Variants in CADM2 observed in about 807,000 individuals in gnomAD.
The protein encoded by CADM2 is immunoglobulin superfamily member 4D.
Under a neutral mutation model 49.8 loss-of-function variants are expected in CADM2, and 12 were observed. The ratio of observed to expected loss-of-function variants is 0.24; its 90% CI spans 0.15 to 0.39. The LOEUF is 0.39. Among genes scored for constraint, CADM2 ranks in the 10% least tolerant of loss-of-function variants. The pLI is 1.00. For synonymous variants in CADM2, 214 were observed against 175.4 expected (o/e 1.22, Z -1.74); for missense variants, 378 against 492.3 (o/e 0.77, Z 2.20).
Position 86,065,661 on chromosome 3 carries a change from G to T in CADM2, c.1027G>T (p.Val343Leu). The T allele has an allele frequency of 6.2e-7, 1 of 1,614,020 alleles. No individual in the cohort carries two copies. Among genetic ancestry groups the T allele is most frequent in the Non-Finnish European group, 8.5e-7 (1 of 1,179,950 alleles). The change falls in exon 9 of 10, where the codon GTG (valine) becomes TTG (leucine). Residue 343 changes from valine (V) to leucine (L), a missense_variant. By Grantham distance (32) the Val-to-Leu change is conservative (BLOSUM62 1). Coordinates refer to ENST00000383699, the MANE Select transcript of CADM2 (RefSeq NM_001167675.2). ...TGACCATGCTCTCATAGGAGGAATAGTGGCTGTAGTTGTATTTGTCACGCT... is the reference window on the plus strand; with the variant it reads ...TGACCATGCTCTCATAGGAGGAATATTGGCTGTAGTTGTATTTGTCACGCT... ...GPDHALIGGI[V>L]AVVVFVTLCS...
chr3:85,580,276 G>A (rs926023546), intron 1 of CADM2, among the ~76,000 whole-genome samples: 6 of 152,008 alleles, frequency 3.9e-5, no homozygotes, highest in South Asian at 2.1e-4. Flanking sequence ...TCAACAGAAT[G>A]TATCAAATTG....
intron 8 of CADM2, among the ~76,000 whole-genome samples, chr3:86,021,734 T>C (rs1443068079): frequency 6.6e-6 from 1 of 152,234 alleles, no homozygotes; most frequent in Non-Finnish European, 1.5e-5. Context: ...TGCATATATG[T>C]ACCACAAAAT....
intron 1 of CADM2, among the ~76,000 whole-genome samples, chr3:85,271,196 C>A (rs112140528): frequency 2.0e-5 from 3 of 151,310 alleles, no homozygotes; most frequent in African/African-American, 7.3e-5. Flanking sequence ...AATTCAATCT[C>A]TAATTTGAAT....
At chr3:85,898,393 A>G (rs1420439774) in intron 5 of CADM2, among the ~76,000 whole-genome samples, 2 of 152,092 alleles carry the variant, frequency 1.3e-5, no homozygotes, top group Non-Finnish European at 2.9e-5. Context: ...GCAAGATAAA[A>G]AATGTATTTA....
At chr3:85,268,072 T>G (rs928045281) in intron 1 of CADM2, among the ~76,000 whole-genome samples, 1 of 151,674 alleles carries the variant, frequency 6.6e-6, no homozygotes, top group East Asian at 1.9e-4. Flanking sequence ...CAATGCATTT[T>G]ATTAAAATGT....
At chr3:85,865,900 A>G (rs1056107524) in intron 3 of CADM2, among the ~76,000 whole-genome samples, 1 of 152,232 alleles carries the variant, frequency 6.6e-6, no homozygotes, top group Non-Finnish European at 1.5e-5. Context: ...TTTCAGTGAG[A>G]GTGGAAAGCA....
chr3:85,360,790 C>A (rs780527397), intron 1 of CADM2, among the ~76,000 whole-genome samples: 36 of 152,130 alleles, frequency 2.4e-4, no homozygotes, highest in Non-Finnish European at 1.5e-5. Flanking sequence ...AGTGTTGTTA[C>A]AAACTGGTGT....
At chr3:85,052,585 T>G (rs914858150) in intron 1 of CADM2, among the ~76,000 whole-genome samples, 2 of 152,110 alleles carry the variant, frequency 1.3e-5, no homozygotes, top group African/African-American at 2.4e-5. Flanking sequence ...TATATTGGTC[T>G]AATCCAATGC....
At chr3:84,966,534 A>AC (rs1244458789) in intron 1 of CADM2, among the ~76,000 whole-genome samples, 1 of 152,054 alleles carries the variant, frequency 6.6e-6, no homozygotes, top group Middle Eastern at 3.2e-3. Context: ...TCCACAAAAA[A>AC]ACACACACAC....
At chr3:85,006,682 C>T (rs999676350) in intron 1 of CADM2, among the ~76,000 whole-genome samples, 10 of 152,014 alleles carry the variant, frequency 6.6e-5, no homozygotes, top group Admixed American at 3.3e-4. Flanking sequence ...GAATGCCAAG[C>T]TAATATGTAC....
rs993860549 is a variant in CADM2, at chr3:85,651,974, C to T, written c.62-74548C>T. Among the ~76,000 whole-genome samples the T allele has an allele frequency of 2.3e-3, 169 of 73,838 alleles. 2 individuals are homozygous for T. The highest frequency in any genetic ancestry group is 7.9e-3 in the African/African-American group (153 of 19,356). 48.4% of individuals were successfully genotyped at this position (73,838 alleles called of 152,430 possible). A position where few individuals can be genotyped will look rare whatever the true frequency, so the allele number is the denominator to read the frequency against. ...CTGGGACTACAGGCGCCTGCCACCA[C>T]GCCCGGCTACTTTTTTTTTTTTTAA... On this transcript the variant is annotated intron_variant, in intron 1 of 9. Transcript: ENST00000383699.
Position 85,886,340 on chromosome 3 carries a change from A to G in CADM2, c.529+13A>G. 1 of 1,588,130 alleles carries G rather than the reference A, an allele frequency of 6.3e-7. No homozygotes were observed. Among genetic ancestry groups the G allele is most frequent in the African/African-American group, 1.3e-5 (1 of 74,516 alleles). ...AAAGAGATTAAAGGTAAAGAATAGA[A>G]AAATGAAAATCAAAATTAATGTGCT... On this transcript the variant is annotated intron_variant, in intron 5 of 9. Transcript: ENST00000383699.
At chr3:85,098,826 T>A (rs778737356) in intron 1 of CADM2, among the ~76,000 whole-genome samples, 32 of 152,154 alleles carry the variant, frequency 2.1e-4, no homozygotes, top group Non-Finnish European at 4.6e-4. Flanking sequence ...GAAAAACAAA[T>A]CCGCGTATAA....
chr3:85,756,775 G>A (rs937943210), intron 2 of CADM2, among the ~76,000 whole-genome samples: 7 of 151,926 alleles, frequency 4.6e-5, no homozygotes, highest in African/African-American at 1.2e-4. Flanking sequence ...GAACAGTATC[G>A]AATAGTTTTT....
chr3:84,980,088 A>C (rs2032077060), intron 1 of CADM2, among the ~76,000 whole-genome samples: 1 of 152,346 alleles, frequency 6.6e-6, no homozygotes, highest in South Asian at 2.1e-4. Context: ...GATCATAATC[A>C]TACAAAGAGT....
chr3:85,628,155 C>T (rs925177949), intron 1 of CADM2, among the ~76,000 whole-genome samples: 25 of 151,938 alleles, frequency 1.6e-4, no homozygotes, highest in African/African-American at 6.0e-4. Context: ...GAAGTGGATC[C>T]CTGCCAGGGA....
chr3:85,805,268 G>A (rs749052251), intron 3 of CADM2, among the ~76,000 whole-genome samples: 11 of 151,976 alleles, frequency 7.2e-5, no homozygotes, highest in Non-Finnish European at 1.0e-4. Context: ...TTAATTTTCC[G>A]TTCCCAGATG....
intron 2 of CADM2, among the ~76,000 whole-genome samples, chr3:85,791,544 A>AGAAAG (rs2071330706): frequency 8.0e-5 from 8 of 100,000 alleles, no homozygotes; most frequent in East Asian, 3.4e-4. Flanking sequence ...GAGAGAGAGA[A>AGAAAG]AGAGAGAGAG....
chr3:85,623,857 A>AT (rs1260107841), intron 1 of CADM2, among the ~76,000 whole-genome samples: 1 of 152,082 alleles, frequency 6.6e-6, no homozygotes, highest in Non-Finnish European at 1.5e-5. Flanking sequence ...TTGTAGAATC[A>AT]TTTTTTATTC....
Sources: gnomAD v4.1 joint callset for allele counts (sites outside exome capture counted in the v4.1 genomes callset) on GRCh38, gnomAD v4.1.1 for gene constraint, MANE v1.5 for transcripts, NCBI Gene and HGNC (gene_info 2026-07-23, HGNC 2026-07-21) for gene names.